SUGCT: variants seen among roughly 807,000 people sequenced by gnomAD.
SUGCT encodes the protein succinyl-CoA:glutarate CoA-transferase.
SUGCT carries 41 observed loss-of-function variants against 55.0 expected under a neutral mutation model. That is an observed-to-expected ratio of 0.74 (90% CI 0.58 to 0.97). The LOEUF is 0.97. Among genes scored for constraint, SUGCT ranks in the 50% least tolerant of loss-of-function variants. SUGCT has a pLI of 0.00. For synonymous variants in SUGCT, 187 were observed against 200.4 expected, an observed-to-expected ratio of 0.93 and a Z score of 0.56; for missense variants, 568 against 547.8, an observed-to-expected ratio of 1.04 and a Z score of -0.37.
the SUGCT span, among the ~76,000 whole-genome samples, chr7:40,911,639 C>T: frequency 6.6e-6 from 1 of 151,670 alleles, no homozygotes; most frequent in Non-Finnish European, 1.5e-5. Context: ...TGGGGGCTGT[C>T]CTGTGTGCAT....
At chr7:40,660,479 G>A (rs948611180) in intron 12 of SUGCT, among the ~76,000 whole-genome samples, 2 of 152,086 alleles carry the variant, frequency 1.3e-5, no homozygotes, top group South Asian at 2.1e-4. Context: ...GGCTGGTCTC[G>A]AACTCCTGAT....
At chr7:40,197,586 C>G (rs1441150754) in intron 6 of SUGCT, among the ~76,000 whole-genome samples, 1 of 152,192 alleles carries the variant, frequency 6.6e-6, no homozygotes, top group African/African-American at 2.4e-5. Flanking sequence ...TGCATCTCCC[C>G]TCATAGGGAA....
intron 9 of SUGCT, among the ~76,000 whole-genome samples, chr7:40,324,261 A>ATATATATATATATATTTATTTATTTATT (rs377215730): frequency 1.0e-5 from 1 of 99,980 alleles, no homozygotes; most frequent in South Asian, 3.8e-4. Flanking sequence ...AAATATATAT[A>ATATATATATATATATTTATTTATTTATT]TATTTATTTT....
intron 10 of SUGCT, among the ~76,000 whole-genome samples, chr7:40,449,876 T>G (rs1392275343): frequency 2.0e-5 from 3 of 152,228 alleles, no homozygotes; most frequent in African/African-American, 7.2e-5. Context: ...TTTTAGGAAT[T>G]AAGATTATAT....
intron 12 of SUGCT, chr7:40,499,629 G>T (rs976168509): frequency 6.6e-6 from 1 of 152,348 alleles, no homozygotes; most frequent in Non-Finnish European, 1.5e-5. Flanking sequence ...TGCATTTACT[G>T]AAAGTTCTGA....
At chr7:40,866,796 T>C in the SUGCT span, among the ~76,000 whole-genome samples, 1 of 151,806 alleles carries the variant, frequency 6.6e-6, no homozygotes, top group Non-Finnish European at 1.5e-5. Context: ...AGGCCAGAGG[T>C]GGTGCTCAAG....
Position 40,352,670 on chromosome 7 carries a change from A to T in SUGCT, c.816+35815A>T, listed in dbSNP as rs143197355. Among the ~76,000 whole-genome samples the T allele has an allele frequency of 9.6e-3, 1,459 of 152,256 alleles. 8 individuals are homozygous for T. The highest frequency in any genetic ancestry group is 0.016 in the Non-Finnish European group (1,111 of 68,008). On this transcript the variant is annotated intron_variant, in intron 9 of 13. Transcript: ENST00000335693. Reference sequence around the variant, plus strand: ...CTGTGAAATATTCCATGCTTTATCCAGTCTACCATTGATGGGCATTTAGGT... The same window carrying T: ...CTGTGAAATATTCCATGCTTTATCCTGTCTACCATTGATGGGCATTTAGGT...
intron 9 of SUGCT, among the ~76,000 whole-genome samples, chr7:40,426,793 CATTTA>C (rs1400618225): frequency 1.3e-4 from 20 of 151,920 alleles, no homozygotes; most frequent in Non-Finnish European, 1.0e-4. Flanking sequence ...AAGAATGGCA[CATTTA>C]ATTTATTATT....
rs145768080 is a variant in SUGCT, at chr7:40,710,961, AAAGG to A, written c.1090-38466_1090-38463del. Among the ~76,000 whole-genome samples, 505 of 152,316 alleles carry A rather than the reference AAAGG, an allele frequency of 3.3e-3. 2 individuals are homozygous for A. The highest frequency in any genetic ancestry group is 0.011 in the African/African-American group (469 of 41,572). ...TAAGCTGCTGCCAGTGGACTGGGGT[AAAGG>A]AAGGAATTGGGAGTACAGTGTCGTT... On this transcript the variant is annotated intron_variant, in intron 12 of 13. Coordinates refer to ENST00000335693, the MANE Select transcript of SUGCT (RefSeq NM_001193313.2).
intron 9 of SUGCT, among the ~76,000 whole-genome samples, chr7:40,413,546 C>G (rs974234798): frequency 7.9e-5 from 12 of 152,060 alleles, no homozygotes; most frequent in African/African-American, 2.9e-4. Flanking sequence ...ATTTTAAATG[C>G]AATACAAGGG....
rs1311848566 is a variant in SUGCT at position 40,684,421 on chromosome 7, A to G, written c.1090-65013A>G. Among the ~76,000 whole-genome samples the G allele has an allele frequency of 5.3e-5, 8 of 152,208 alleles. 1 individual carries two copies. Among genetic ancestry groups the G allele is most frequent in the Admixed American group, 4.6e-4 (7 of 15,282 alleles). ...TAAAAAGCCTTCCTTGTAATTTTTT[A>G]AAACATTTTAATCAAAGTAATTCAT... On this transcript the variant is annotated intron_variant, in intron 12 of 13. Transcript: ENST00000335693.
intron 9 of SUGCT, among the ~76,000 whole-genome samples, chr7:40,392,100 CAG>C (rs1482892432): frequency 6.6e-6 from 1 of 152,072 alleles, no homozygotes; most frequent in Non-Finnish European, 1.5e-5. Flanking sequence ...TACTTGGACA[CAG>C]GGTGGAGAAC....
intron 7 of SUGCT, among the ~76,000 whole-genome samples, chr7:40,246,251 C>CTT (rs11387100): frequency 5.6e-4 from 83 of 147,202 alleles, no homozygotes; most frequent in Admixed American, 8.8e-4. Flanking sequence ...ATAGCATGTT[C>CTT]TTTTTTTTTT....
chr7:40,504,378 T>C (rs1391788315), intron 12 of SUGCT, among the ~76,000 whole-genome samples: 1 of 152,088 alleles, frequency 6.6e-6, no homozygotes, highest in Non-Finnish European at 1.5e-5. Flanking sequence ...CTCTGGCCTC[T>C]GCCTGTGCTC....
chr7:40,426,317 A>G (rs1787584212), intron 9 of SUGCT, among the ~76,000 whole-genome samples: 1 of 152,176 alleles, frequency 6.6e-6, no homozygotes, highest in Non-Finnish European at 1.5e-5. Flanking sequence ...GTTATGATTT[A>G]TGGTATATGC....
chr7:40,657,267 G>A (rs1444873722), intron 12 of SUGCT, among the ~76,000 whole-genome samples: 2 of 152,064 alleles, frequency 1.3e-5, no homozygotes, highest in African/African-American at 2.4e-5. Context: ...CCCTTGGTGA[G>A]TAAGAAAGGA....
At chr7:40,146,316 T>A (rs1394330124) in intron 1 of SUGCT, among the ~76,000 whole-genome samples, 1 of 152,330 alleles carries the variant, frequency 6.6e-6, no homozygotes, top group East Asian at 1.9e-4. Flanking sequence ...GCTTTCAGGC[T>A]ACGCCCTTGT....
intron 8 of SUGCT, among the ~76,000 whole-genome samples, chr7:40,285,691 C>A (rs566040385): frequency 1.3e-5 from 2 of 151,994 alleles, no homozygotes; most frequent in African/African-American, 4.8e-5. Flanking sequence ...AGCATTGTGG[C>A]GAGGTGTAAT....
At chr7:40,308,146 T>C (rs1794937858) in intron 8 of SUGCT, among the ~76,000 whole-genome samples, 3 of 152,156 alleles carry the variant, frequency 2.0e-5, no homozygotes, top group Admixed American at 1.3e-4. Context: ...GTCCATTCCA[T>C]TGATGTAGGG....
Sources: gnomAD v4.1 joint callset for allele counts (sites outside exome capture counted in the v4.1 genomes callset) on GRCh38, gnomAD v4.1.1 for gene constraint, MANE v1.5 for transcripts, NCBI Gene and HGNC (gene_info 2026-07-23, HGNC 2026-07-21) for gene names.